Variants in PLCH1 observed in about 807,000 individuals in gnomAD.
PLCH1 encodes 1-phosphatidylinositol 4,5-bisphosphate phosphodiesterase eta-1.
A neutral mutation model predicts 126.7 loss-of-function variants in PLCH1; 60 were observed. The observed-to-expected ratio is 0.47, with a 90% CI of 0.38 to 0.59. The LOEUF is 0.59. Ranked by LOEUF, PLCH1 falls within the 20% of genes least tolerant of loss-of-function variation. The pLI is 0.00. For synonymous variants in PLCH1, 719 were observed against 734.9 expected, an observed-to-expected ratio of 0.98 and a Z score of 0.35; for missense variants, 1,723 against 2,040.0, an observed-to-expected ratio of 0.84 and a Z score of 2.99.
At chr3:155,671,167 T>A (rs1559920694) in intron 2 of PLCH1, among the ~76,000 whole-genome samples, 4 of 152,318 alleles carry the variant, frequency 2.6e-5, no homozygotes, top group East Asian at 3.9e-4. Context: ...GCTCTACCAG[T>A]TACAGCTGAC....
chr3:155,503,118 A>T (rs1718144328), intron 13 of PLCH1, among the ~76,000 whole-genome samples: 1 of 152,210 alleles, frequency 6.6e-6, no homozygotes, highest in Admixed American at 6.5e-5. Flanking sequence ...TTGGGACAGT[A>T]CACTGGTCAT....
intron 12 of PLCH1, among the ~76,000 whole-genome samples, chr3:155,511,630 C>A (rs1382693935): frequency 7.1e-6 from 1 of 140,276 alleles, no homozygotes; most frequent in East Asian, 2.0e-4. Context: ...GTCAGTGTGC[C>A]CCTGCTGGGG....
intron 2 of PLCH1, among the ~76,000 whole-genome samples, chr3:155,653,960 T>C (rs909572027): frequency 1.3e-5 from 2 of 151,650 alleles, no homozygotes; most frequent in Non-Finnish European, 2.9e-5. Context: ...TCAAAAAAAA[T>C]TGTCTGTCTC....
chr3:155,590,526 C>T (rs973107180), intron 4 of PLCH1, among the ~76,000 whole-genome samples: 1 of 146,170 alleles, frequency 6.8e-6, no homozygotes, highest in East Asian at 2.0e-4. Context: ...TGCAGTGAGC[C>T]GAGATCCTGC....
At chr3:155,741,949 G>A (rs973220062) in intron 1 of PLCH1, among the ~76,000 whole-genome samples, 45 of 152,064 alleles carry the variant, frequency 3.0e-4, no homozygotes, top group African/African-American at 1.0e-3. Flanking sequence ...TAAGCAAATA[G>A]GTGCACATAA....
chr3:155,574,784 T>C (rs1729706403), intron 6 of PLCH1, among the ~76,000 whole-genome samples: 1 of 152,190 alleles, frequency 6.6e-6, no homozygotes, highest in Non-Finnish European at 1.5e-5. Context: ...AGCAAAAATA[T>C]TGCAAGATAT....
At chr3:155,514,933 A>G in intron 11 of PLCH1, 49 bp from the exon 12 acceptor site, 1 of 1,281,568 alleles carries the variant, frequency 7.8e-7, no homozygotes, top group Non-Finnish European at 1.1e-6. Context: ...AACACACCGA[A>G]TTAGAATATA....
intron 1 of PLCH1, among the ~76,000 whole-genome samples, chr3:155,723,953 CAAAAAAAAAAA>C (rs34436223): frequency 5.0e-5 from 4 of 80,082 alleles, no homozygotes; most frequent in African/African-American, 1.7e-4. Context: ...AACTCCATCT[CAAAAAAAAAAA>C]AAAAAAAAAA....
intron 2 of PLCH1, among the ~76,000 whole-genome samples, chr3:155,612,459 A>C (rs891999110): frequency 3.9e-5 from 6 of 152,082 alleles, no homozygotes; most frequent in Non-Finnish European, 8.8e-5. Context: ...AACTAAACCC[A>C]AACCCAGCAG....
At chr3:155,655,300 G>A (rs1741219727) in intron 2 of PLCH1, among the ~76,000 whole-genome samples, 1 of 152,138 alleles carries the variant, frequency 6.6e-6, no homozygotes, top group Non-Finnish European at 1.5e-5. Context: ...GCCGAGCATG[G>A]TGGCACATGC....
intron 1 of PLCH1, among the ~76,000 whole-genome samples, chr3:155,736,177 A>G (rs1033887045): frequency 6.6e-6 from 1 of 152,240 alleles, no homozygotes; most frequent in African/African-American, 2.4e-5. Flanking sequence ...AAACTAAATA[A>G]CAGATTTCAC....
intron 8 of PLCH1, among the ~76,000 whole-genome samples, 160 bp downstream of exon 8, chr3:155,564,755 A>G (rs775971932): frequency 2.0e-5 from 3 of 152,186 alleles, no homozygotes; most frequent in African/African-American, 7.2e-5. Context: ...AAGGAGCCAG[A>G]GAGAATTATG....
chr3:155,636,834 T>C (rs1738781969), intron 2 of PLCH1, among the ~76,000 whole-genome samples: 1 of 152,140 alleles, frequency 6.6e-6, no homozygotes, highest in Non-Finnish European at 1.5e-5. Flanking sequence ...GAGATAAGTA[T>C]GCTTATCTCA....
Position 155,583,498 on chromosome 3 carries a change from C to T in PLCH1, c.745G>A (p.Ala249Thr). The stretch of plus-strand genomic sequence containing the variant: ...TTTTGCTCCACCTTCAAAAACTGAG[C>T]CAGTTCTTCCACAGTTAGGTGATCT... ...KKDHLTVEEL[A>T]QFLKVEQKMN... Residue 249 changes from alanine (A) to threonine (T), a missense_variant, in exon 6 of 23, where the codon GCT (alanine) becomes ACT (threonine). Around this residue, in one of 2 missense-constraint regions of PLCH1, gnomAD observed 776 missense variants for 1,062.9 expected, o/e 0.73. Transcript: ENST00000460012. The T allele has an allele frequency of 6.2e-7, 1 of 1,605,630 alleles. No individual in the cohort carries two copies. The highest frequency in any genetic ancestry group is 8.5e-7 in the Non-Finnish European group (1 of 1,177,334).
chr3:155,648,115 T>G (rs1246940610), intron 2 of PLCH1, among the ~76,000 whole-genome samples: 1 of 152,188 alleles, frequency 6.6e-6, no homozygotes, highest in Non-Finnish European at 1.5e-5. Flanking sequence ...GTAACTGTAA[T>G]ATAGTCATCT....
At chr3:155,695,944 G>A (rs1745757712) in intron 2 of PLCH1, among the ~76,000 whole-genome samples, 1 of 152,152 alleles carries the variant, frequency 6.6e-6, no homozygotes, top group African/African-American at 2.4e-5. Context: ...CAAGGCAGAT[G>A]GGTACCAGGG....
chr3:155,715,366 A>G lies in PLCH1; in HGVS notation c.-40-11102T>C, dbSNP rs558465842. ...ATCCAAGCTGGTGGGCAGTGTCACA[A>G]TCACAGCTCACGGCAACCTCTGCCT... On this transcript the variant is annotated intron_variant, in intron 1 of 22. Coordinates refer to ENST00000460012, the MANE Select transcript of PLCH1 (RefSeq NM_014996.4). 2.6e-5 allele frequency among the ~76,000 whole-genome samples: 4 copies of G among 152,200 alleles called. No homozygotes were observed. The South Asian group carries it at 8.3e-4, about 32-fold the overall frequency.
intron 10 of PLCH1, among the ~76,000 whole-genome samples, chr3:155,541,674 C>T (rs184781329): frequency 1.1e-4 from 16 of 152,194 alleles, no homozygotes; most frequent in Middle Eastern, 3.4e-3. Context: ...ATCACCACAA[C>T]AGATACAATA....
chr3:155,740,406 C>CAAAAAAA (rs60626575), intron 1 of PLCH1, among the ~76,000 whole-genome samples: 1 of 102,192 alleles, frequency 9.8e-6, no homozygotes. Flanking sequence ...GACTCTGTCT[C>CAAAAAAA]AAAAAAAAAA....
Sources: allele counts gnomAD v4.1 joint callset (sites outside exome capture counted in the v4.1 genomes callset), GRCh38; gene constraint gnomAD v4.1.1; regional missense constraint gnomAD v4.1.1; transcripts MANE v1.5; gene names NCBI Gene and HGNC (gene_info 2026-07-23, HGNC 2026-07-21).